FAM8A1: variants seen among roughly 807,000 people sequenced by gnomAD.
FAM8A1 encodes protein FAM8A1.
In FAM8A1, 18 loss-of-function variants were observed where a neutral mutation model predicts 38.3. The ratio of observed to expected loss-of-function variants is 0.47; its 90% CI spans 0.33 to 0.70. The LOEUF is 0.70. Among genes scored for constraint, FAM8A1 ranks in the 30% least tolerant of loss-of-function variants. FAM8A1 has a pLI of 0.03. For missense variants in FAM8A1, 559 were observed against 559.6 expected (o/e 1.00, Z 0.01); for synonymous variants, 246 against 234.4 (o/e 1.05, Z -0.45).
rs2113748214 is a variant in FAM8A1 at position 17,608,511 on chromosome 6, A to G, written c.*172A>G. The G allele has an allele frequency of 1.6e-6, 1 of 612,788 alleles. No homozygotes were observed. Among genetic ancestry groups the G allele is most frequent in the East Asian group, 3.3e-5 (1 of 29,950 alleles). 38.0% of individuals were successfully genotyped at this position (612,788 alleles called of 1,614,324 possible). A position where few individuals can be genotyped will look rare whatever the true frequency, so the allele number is the denominator to read the frequency against. ...TACTTGAATGCCAAAGAACTTGTCC[A>G]GAAGAAAAACCTGTTAAATTCAAGT... On this transcript the variant is annotated 3_prime_UTR_variant, in exon 5 of 5. Coordinates refer to ENST00000259963, the MANE Select transcript of FAM8A1 (RefSeq NM_016255.3).
At position 17,605,945 on chromosome 6, in the gene FAM8A1, T is replaced by C; in HGVS notation, c.1029T>C (p.Cys343=). 1 of 1,591,416 alleles carries C rather than the reference T, an allele frequency of 6.3e-7. No individual in the cohort carries two copies. The highest frequency in any genetic ancestry group is 8.6e-7 in the Non-Finnish European group (1 of 1,164,798). ...TGCTGGGGCTTCGAGTTGTGACATG[T>C]GATACATCAGTGCTTATTGCACCAA... ...KFLLGLRVVT[C]DTSVLIAPSR... Residue 343 remains cysteine, a synonymous_variant, in exon 4 of 5, where the codon TGT becomes TGC. Transcript: ENST00000259963.
chr6:17,600,942 T>A lies in FAM8A1; in HGVS notation c.533T>A (p.Leu178Gln). ...GGCTATTACAACCCCTTCTACTTCCTGAGCCCCGGGGCCGCGGGGCCTGAC... is the reference window on the plus strand; with the variant it reads ...GGCTATTACAACCCCTTCTACTTCCAGAGCCCCGGGGCCGCGGGGCCTGAC... The part of the protein sequence containing the change: ...QLGYYNPFYF[L>Q]SPGAAGPDPR... The change falls in exon 1 of 5, where the codon CTG becomes CAG. Residue 178 changes from leucine (L) to glutamine (Q), a missense_variant. Around this residue, in one of 2 missense-constraint regions of FAM8A1, gnomAD observed 393 missense variants for 338.9 expected, o/e 1.16. Transcript: ENST00000259963. 1.3e-6 allele frequency: 2 copies of A among 1,592,590 alleles called. No individual in the cohort carries two copies. The highest frequency in any genetic ancestry group is 1.7e-6 in the Non-Finnish European group (2 of 1,172,000).
rs1026019244 is a variant in FAM8A1 at position 17,600,523 on chromosome 6, C to T, written c.114C>T (p.Cys38=). Residue 38 remains cysteine (C), a synonymous_variant, in exon 1 of 5, where the codon TGC becomes TGT. Transcript: ENST00000259963. ...GCCCTCCTACCACCGCCGTCCCATG[C>T]CCCCGCGACGACCCCCAGGCCGAAC... ...LRGPPTTAVP[C]PRDDPQAEPQ... The T allele has an allele frequency of 2.0e-6, 3 of 1,534,814 alleles. No homozygotes were observed. The highest frequency in any genetic ancestry group is 2.8e-5 in the East Asian group (1 of 36,080).
At chr6:17,606,077 G>A in intron 4 of FAM8A1, 64 bp downstream of exon 4, 1 of 1,305,070 alleles carries the variant, frequency 7.7e-7, no homozygotes, top group Non-Finnish European at 1.0e-6. Flanking sequence ...TTAGAATATT[G>A]GGGTTTTTTT....
In FAM8A1 at chr6:17,611,054, A is replaced by G. The variant is rs1408381460; in HGVS notation, c.*2715A>G. On this transcript the variant is annotated 3_prime_UTR_variant, in exon 5 of 5. Coordinates refer to ENST00000259963, the MANE Select transcript of FAM8A1 (RefSeq NM_016255.3). Reference sequence around the variant, plus strand: ...ATAAGCCTTCACTTGTCAGTATCATAAAGAGTATTGCCCAACTGAACTTTG... The same window carrying G: ...ATAAGCCTTCACTTGTCAGTATCATGAAGAGTATTGCCCAACTGAACTTTG... The G allele has an allele frequency of 6.6e-6, 1 of 152,190 alleles. No homozygotes were observed. The highest frequency in any genetic ancestry group is 2.4e-5 in the African/African-American group (1 of 41,442). The allele number at this position is 152,190 out of a possible 1,614,324, so 9.4% of individuals were successfully genotyped here.
chr6:17,606,197 ATT>A (rs112417120), intron 4 of FAM8A1, among the ~76,000 whole-genome samples, 184 bp downstream of exon 4: 15 of 131,448 alleles, frequency 1.1e-4, no homozygotes, highest in Admixed American at 1.5e-4. Context: ...TTTCAAGATG[ATT>A]TTTTTTTTTT....
chr6:17,605,951 A>G lies in FAM8A1; in HGVS notation c.1035A>G (p.Thr345=). ...GGCTTCGAGTTGTGACATGTGATAC[A>G]TCAGTGCTTATTGCACCAAGTCGGG... ...LLGLRVVTCD[T]SVLIAPSRVL... is the part of the protein sequence containing the mutation. The change falls in exon 4 of 5, where the codon ACA becomes ACG. Residue 345 remains threonine, a synonymous_variant. Transcript: ENST00000259963. The G allele has an allele frequency of 6.3e-7, 1 of 1,590,536 alleles. No individual in the cohort carries two copies. The highest frequency in any genetic ancestry group is 8.6e-7 in the Non-Finnish European group (1 of 1,163,962).
Position 17,600,569 on chromosome 6 carries a change from A to G in FAM8A1, c.160A>G (p.Thr54Ala). The change falls in exon 1 of 5, where the codon ACA becomes GCA. Residue 54 changes from threonine to alanine, a missense_variant. Transcript: ENST00000259963. ...QAEPQAPGRPTAPGLAAAAAA... is the reference protein window; with the variant it reads ...QAEPQAPGRPAAPGLAAAAAA... ...CGAACCCCAGGCCCCGGGCCGGCCC[A>G]CAGCCCCGGGCCTCGCGGCTGCCGC... 3 of 1,498,634 alleles carry G rather than the reference A, an allele frequency of 2.0e-6. No homozygotes were observed. Among genetic ancestry groups the G allele is most frequent in the Non-Finnish European group, 1.8e-6 (2 of 1,128,254 alleles). 92.8% of individuals were successfully genotyped at this position (1,498,634 alleles called of 1,614,324 possible). A position where few individuals can be genotyped will look rare whatever the true frequency, so the allele number is the denominator to read the frequency against.
In FAM8A1 at chr6:17,600,669, T is replaced by C; in HGVS notation, c.260T>C (p.Leu87Pro). The change falls in exon 1 of 5, where the codon CTG becomes CCG. Residue 87 changes from leucine to proline, a missense_variant. This residue lies in a region of FAM8A1 where 393 missense variants were observed against 338.9 expected (regional missense o/e 1.16). Coordinates refer to ENST00000259963, the MANE Select transcript of FAM8A1 (RefSeq NM_016255.3). ...GCGGCCTCCGGCTCCGGTGCAGAGC[T>C]GCAGGAGCAGGCGGGCTGCGAGGCG... ...GEAASGSGAE[L>P]QEQAGCEAPE... The C allele has an allele frequency of 1.9e-6, 3 of 1,587,004 alleles. No individual in the cohort carries two copies. The highest frequency in any genetic ancestry group is 2.6e-6 in the Non-Finnish European group (3 of 1,170,046).
chr6:17,611,419 G>A lies in FAM8A1; in HGVS notation c.*3080G>A, dbSNP rs1248029141. The A allele has an allele frequency of 6.6e-6, 1 of 152,562 alleles. No individual in the cohort carries two copies. 9.5% of individuals were successfully genotyped at this position (152,562 alleles called of 1,614,324 possible). ...CTTATCCCTATTAAAACAGGCAGTT[G>A]TTTCTTTGAATATGCCTAAATAACA... On this transcript the variant is annotated 3_prime_UTR_variant, in exon 5 of 5. Transcript: ENST00000259963.
intron 2 of FAM8A1, 87 bp downstream of exon 2, chr6:17,602,797 A>C: frequency 1.6e-6 from 2 of 1,276,976 alleles, no homozygotes; most frequent in Non-Finnish European, 2.1e-6. Flanking sequence ...ACACGTGACT[A>C]TATGGATAAT....
Position 17,600,383 on chromosome 6 carries a change from A to G in FAM8A1, c.-27A>G, listed in dbSNP as rs1195136776. ...GGAGGGAAACGGAGCAGTGACAGGT[A>G]TCCCAGAGGGTGCTGCTGAGGCGAC... On this transcript the variant is annotated 5_prime_UTR_variant, in exon 1 of 5. Transcript: ENST00000259963. 1.5e-6 allele frequency: 2 copies of G among 1,367,464 alleles called. No homozygotes were observed. Among genetic ancestry groups the G allele is most frequent in the African/African-American group, 1.5e-5 (1 of 65,168 alleles). The allele number at this position is 1,367,464 out of a possible 1,614,324, so 84.7% of individuals were successfully genotyped here. A position where few individuals can be genotyped will look rare whatever the true frequency, so the allele number is the denominator to read the frequency against.
chr6:17,607,093 T>A (rs1764061927), intron 4 of FAM8A1, among the ~76,000 whole-genome samples: 1 of 151,968 alleles, frequency 6.6e-6, no homozygotes, highest in African/African-American at 2.4e-5. Flanking sequence ...ACCCCGTCTC[T>A]ACTAAAAATA....
At chr6:17,607,240 CAG>C (rs1420910512) in intron 4 of FAM8A1, among the ~76,000 whole-genome samples, 25 of 113,908 alleles carry the variant, frequency 2.2e-4, no homozygotes, top group African/African-American at 7.7e-4. Flanking sequence ...ACCTGGGCGA[CAG>C]AGCAAGACTC....
At chr6:17,606,935 T>C (rs1306334427) in intron 4 of FAM8A1, among the ~76,000 whole-genome samples, 1 of 152,138 alleles carries the variant, frequency 6.6e-6, no homozygotes, top group African/African-American at 2.4e-5. Context: ...TCTAGAAACC[T>C]TGGTTTTGCC....
At position 17,601,026 on chromosome 6, in the gene FAM8A1, C is replaced by T. The variant is rs1164881295; in HGVS notation, c.617C>T (p.Ala206Val). ...CCAGTCGCGGGCCTGGGACCCCGGG[C>T]TCCTCACGTGCAGGCGTCGGTCCGG... ...PAPVAGLGPRAPHVQASVRAT... is the reference protein window; with the variant it reads ...PAPVAGLGPRVPHVQASVRAT... The change falls in exon 1 of 5, where the codon GCT (alanine) becomes GTT (valine). Residue 206 changes from alanine (A) to valine (V), a missense_variant. Physicochemically the swap from Ala to Val is moderately conservative, Grantham distance 64. Transcript: ENST00000259963. 6.3e-7 allele frequency: 1 copy of T among 1,588,612 alleles called. No individual in the cohort carries two copies. The highest frequency in any genetic ancestry group is 2.3e-5 in the East Asian group (1 of 43,970).
At position 17,610,443 on chromosome 6, in the gene FAM8A1, A is replaced by G. The variant is rs1764123873; in HGVS notation, c.*2104A>G. On this transcript the variant is annotated 3_prime_UTR_variant, in exon 5 of 5. Coordinates refer to ENST00000259963, the MANE Select transcript of FAM8A1 (RefSeq NM_016255.3). Reference sequence around the variant, plus strand: ...GTATTATACTGTATAACCCTACAAAATACATAGAAGTATTATTTGCCTTCA... The same window carrying G: ...GTATTATACTGTATAACCCTACAAAGTACATAGAAGTATTATTTGCCTTCA... The G allele has an allele frequency of 6.6e-6, 1 of 152,170 alleles. No homozygotes were observed. 9.4% of individuals were successfully genotyped at this position (152,170 alleles called of 1,614,324 possible). A position where few individuals can be genotyped will look rare whatever the true frequency, so the allele number is the denominator to read the frequency against.
intron 1 of FAM8A1, among the ~76,000 whole-genome samples, chr6:17,601,765 G>A (rs533398411): frequency 7.9e-5 from 12 of 151,972 alleles, no homozygotes; most frequent in South Asian, 4.2e-4. Flanking sequence ...ACTAGTTGAT[G>A]CCTCTGATCC....
intron 1 of FAM8A1, among the ~76,000 whole-genome samples, chr6:17,601,848 G>C (rs1763989628): frequency 6.7e-6 from 1 of 149,212 alleles, no homozygotes; most frequent in African/African-American, 2.6e-5. Context: ...ACTAAAAAAC[G>C]GGTGGGGGGG....
Sources: allele counts gnomAD v4.1 joint callset (sites outside exome capture counted in the v4.1 genomes callset), GRCh38; gene constraint gnomAD v4.1.1; regional missense constraint gnomAD v4.1.1; transcripts MANE v1.5; gene names NCBI Gene and HGNC (gene_info 2026-07-23, HGNC 2026-07-21).